Variants in BRINP1 observed in about 807,000 individuals in gnomAD.
The protein encoded by BRINP1 is BMP/retinoic acid-inducible neural-specific protein 1.
In BRINP1, 17 loss-of-function variants were observed where a neutral mutation model predicts 72.9. That is an observed-to-expected ratio of 0.23 (90% confidence interval 0.16 to 0.35). BRINP1 has a LOEUF of 0.35. BRINP1 is among the 10% of genes least tolerant of loss of function. The pLI is 1.00. For synonymous variants in BRINP1, 418 were observed against 378.5 expected, an observed-to-expected ratio of 1.10 and a Z score of -1.21; for missense variants, 850 against 1,001.6, an observed-to-expected ratio of 0.85 and a Z score of 2.04.
intron 7 of BRINP1, among the ~76,000 whole-genome samples, chr9:119,195,755 G>T (rs749173174): frequency 6.6e-6 from 1 of 152,314 alleles, no homozygotes; most frequent in East Asian, 1.9e-4. Flanking sequence ...TAAGCAGAAG[G>T]TGTTAGAAAC....
At chr9:119,173,528 A>T (rs1266057911) in intron 7 of BRINP1, among the ~76,000 whole-genome samples, 1 of 152,228 alleles carries the variant, frequency 6.6e-6, no homozygotes, top group Non-Finnish European at 1.5e-5. Context: ...GGGTAGGAAG[A>T]ATCAATATCA....
chr9:119,167,824 A>G lies in BRINP1; in HGVS notation c.1546T>C (p.Phe516Leu), dbSNP rs1829338341. The G allele has an allele frequency of 6.2e-7, 1 of 1,613,950 alleles. No homozygotes were observed. Among genetic ancestry groups the G allele is most frequent in the Non-Finnish European group, 8.5e-7 (1 of 1,180,006 alleles). ...ISNEIRLDTF[F>L]DPRWRKRMSL... ...ATGCGCTTGCGCCACCGAGGGTCAA[A>G]GAAGGTGTCGAGGCGGATCTCGTTG... The change falls in exon 8 of 8, where the codon TTT becomes CTT. Residue 516 changes from phenylalanine to leucine, a missense_variant. Coordinates refer to ENST00000265922, the MANE Select transcript of BRINP1 (RefSeq NM_014618.3). The surrounding 1 kb of genome is among the most constrained non-coding windows in gnomAD (Gnocchi z 4.3).
intron 2 of BRINP1, among the ~76,000 whole-genome samples, chr9:119,291,122 C>CA (rs66505860): frequency 0.17 from 20,434 of 120,964 alleles, 2,394 homozygotes; most frequent in African/African-American, 0.37. Context: ...AACTCCATCT[C>CA]AAAAAAAAAA....
chr9:119,334,726 G>A (rs1050730136), intron 1 of BRINP1, among the ~76,000 whole-genome samples: 11 of 150,890 alleles, frequency 7.3e-5, no homozygotes, highest in Non-Finnish European at 2.9e-5. Context: ...TACTTGTCTT[G>A]GACTATAATT....
At chr9:119,206,541 G>A (rs1459591276) in intron 7 of BRINP1, among the ~76,000 whole-genome samples, 1 of 152,020 alleles carries the variant, frequency 6.6e-6, no homozygotes, top group Non-Finnish European at 1.5e-5. Flanking sequence ...AGAAAAAGGG[G>A]CCTCAGAAGA....
At chr9:119,309,287 G>C (rs544339706) in intron 2 of BRINP1, among the ~76,000 whole-genome samples, 2 of 152,302 alleles carry the variant, frequency 1.3e-5, no homozygotes, top group South Asian at 4.1e-4. Flanking sequence ...AAGGAAGCCT[G>C]TTAGCATTTG....
At chr9:119,244,544 C>T (rs981265443) in intron 3 of BRINP1, among the ~76,000 whole-genome samples, 7 of 152,040 alleles carry the variant, frequency 4.6e-5, no homozygotes, top group Admixed American at 1.3e-4. Context: ...AAAAGTTAAA[C>T]AAGTGAATAT....
chr9:119,256,151 AT>A (rs1389815325), intron 2 of BRINP1, among the ~76,000 whole-genome samples: 1 of 152,050 alleles, frequency 6.6e-6, no homozygotes, highest in Non-Finnish European at 1.5e-5. Context: ...TCTACCACCT[AT>A]TGGTTTATAC....
intron 2 of BRINP1, among the ~76,000 whole-genome samples, chr9:119,268,247 AATAGATAGATAGATAG>A (rs61056780): frequency 6.0e-4 from 57 of 95,584 alleles, no homozygotes; most frequent in Middle Eastern, 6.0e-3. Flanking sequence ...TGTCTCAATA[AATAGATAGATAGATAG>A]ATAGATAGAT....
chr9:119,266,183 C>T (rs768186821), intron 2 of BRINP1, among the ~76,000 whole-genome samples: 5 of 152,118 alleles, frequency 3.3e-5, no homozygotes, highest in Non-Finnish European at 1.5e-5. Context: ...AGGAGAAATA[C>T]AACCAGAGGG....
At chr9:119,282,818 G>A in intron 2 of BRINP1, 3 of 985,342 alleles carry the variant, frequency 3.0e-6, no homozygotes, top group Non-Finnish European at 3.6e-6. Context: ...ACCAAGGGGA[G>A]AGTAATAGCT....
rs755553094 is a variant in BRINP1 at position 119,168,146 on chromosome 9, C to T, written c.1224G>A (p.Glu408=). The part of the protein sequence containing the change: ...NENGFWGTFL[E]SQRSCVCHGS... ...CGTGGCACACGCAGCTCCGCTGGCT[C>T]TCCAGGAAGGTTCCCCAAAACCCAT... The change falls in exon 8 of 8, where the codon GAG becomes GAA. Residue 408 remains glutamate, a synonymous_variant. Transcript: ENST00000265922. The T allele has an allele frequency of 1.3e-6, 2 of 1,594,338 alleles. No homozygotes were observed. Among genetic ancestry groups the T allele is most frequent in the Non-Finnish European group, 1.7e-6 (2 of 1,168,810 alleles).
chr9:119,245,638 T>A (rs1263716354), intron 3 of BRINP1, among the ~76,000 whole-genome samples: 1 of 152,202 alleles, frequency 6.6e-6, no homozygotes, highest in African/African-American at 2.4e-5. Context: ...TCCCATCACC[T>A]CTGCTTCTCC....
intron 1 of BRINP1, among the ~76,000 whole-genome samples, chr9:119,336,831 A>G (rs544288839): frequency 2.0e-5 from 3 of 151,468 alleles, no homozygotes; most frequent in Non-Finnish European, 4.4e-5. Context: ...AGAGAAGAGA[A>G]AAAAAAAGAG....
At chr9:119,248,204 G>A (rs759726186) in intron 3 of BRINP1, among the ~76,000 whole-genome samples, 6 of 152,196 alleles carry the variant, frequency 3.9e-5, no homozygotes, top group South Asian at 4.1e-4. Context: ...AAATGCAGCC[G>A]GCGACTTTGT....
At chr9:119,285,249 G>A (rs563585038) in intron 2 of BRINP1, among the ~76,000 whole-genome samples, 2 of 151,552 alleles carry the variant, frequency 1.3e-5, no homozygotes, top group South Asian at 2.1e-4. Context: ...CTGAAATCAG[G>A]ACATGGTACA....
At chr9:119,193,189 C>T (rs1829700473) in intron 7 of BRINP1, among the ~76,000 whole-genome samples, 1 of 151,446 alleles carries the variant, frequency 6.6e-6, no homozygotes, top group Admixed American at 6.6e-5. Flanking sequence ...GATGTGGAAC[C>T]CACAGATATG....
intron 7 of BRINP1, among the ~76,000 whole-genome samples, chr9:119,202,379 A>G (rs1425523996): frequency 6.6e-6 from 1 of 152,118 alleles, no homozygotes; most frequent in Non-Finnish European, 1.5e-5. Flanking sequence ...TCCCAATTGC[A>G]TAGCCCCCTT....
chr9:119,262,135 A>G (rs1830502536), intron 2 of BRINP1, among the ~76,000 whole-genome samples: 1 of 152,226 alleles, frequency 6.6e-6, no homozygotes, highest in Admixed American at 6.5e-5. Flanking sequence ...TTAAGCTCAA[A>G]GATTCCGGGT....
Sources: allele counts gnomAD v4.1 joint callset (sites outside exome capture counted in the v4.1 genomes callset), GRCh38; gene constraint gnomAD v4.1.1; non-coding constraint Gnocchi (gnomAD v3.1); transcripts MANE v1.5; gene names NCBI Gene and HGNC (gene_info 2026-07-23, HGNC 2026-07-21).